Variants in DAB1 observed in about 807,000 individuals in gnomAD.
The protein encoded by DAB1 is DAB adaptor protein 1.
In DAB1, 15 loss-of-function variants were observed where a neutral mutation model predicts 64.6. That is an observed-to-expected ratio of 0.23 (90% CI 0.16 to 0.36). DAB1 has a LOEUF of 0.36. Among genes scored for constraint, DAB1 ranks in the 10% least tolerant of loss-of-function variants. DAB1 has a pLI of 1.00. For synonymous variants in DAB1, 235 were observed against 251.9 expected, an observed-to-expected ratio of 0.93 and a Z score of 0.64; for missense variants, 596 against 706.7, an observed-to-expected ratio of 0.84 and a Z score of 1.78.
rs1459625237 is a variant in DAB1 at position 57,195,666 on chromosome 1, A to T, written c.68-50237T>A. 3.9e-5 allele frequency among the ~76,000 whole-genome samples: 6 copies of T among 152,370 alleles called. No homozygotes were observed. In the East Asian group the frequency reaches 1.2e-3, roughly 29 times the overall value. On this transcript the variant is annotated intron_variant, in intron 2 of 14. Transcript: ENST00000371236. Reference sequence around the variant, plus strand: ...CCAGGTGGGAAGAACACATGCTCTAAGTCAGACCAGCCTTCATTAAAGCAT... The same window carrying T: ...CCAGGTGGGAAGAACACATGCTCTATGTCAGACCAGCCTTCATTAAAGCAT...
chr1:57,292,911 G>C (rs575758681), intron 1 of DAB1, among the ~76,000 whole-genome samples: 1 of 152,084 alleles, frequency 6.6e-6, no homozygotes, highest in Non-Finnish European at 1.5e-5. Context: ...TCTTTGCTTG[G>C]AAGGGTTAAT....
chr1:57,497,190 G>A (rs990496994), intron 7 of DAB1, among the ~76,000 whole-genome samples: 1 of 152,210 alleles, frequency 6.6e-6, no homozygotes, highest in Admixed American at 6.5e-5. Flanking sequence ...GTGCACTACT[G>A]TCTAACATTC....
intron 1 of DAB1, among the ~76,000 whole-genome samples, chr1:57,403,586 G>T (rs1268467323): frequency 6.6e-6 from 1 of 152,130 alleles, no homozygotes; most frequent in South Asian, 2.1e-4. Flanking sequence ...GGCATGGGAG[G>T]CACCCTCTAC....
At chr1:58,251,566 G>A (rs1286488323) in intron 4 of DAB1, among the ~76,000 whole-genome samples, 2 of 152,182 alleles carry the variant, frequency 1.3e-5, no homozygotes, top group Non-Finnish European at 2.9e-5. Flanking sequence ...GGGAACAAGA[G>A]CCAAGGCCCT....
chr1:58,282,613 A>AAAG, intron 4 of DAB1, among the ~76,000 whole-genome samples: 1 of 151,902 alleles, frequency 6.6e-6, no homozygotes, highest in South Asian at 2.1e-4. Flanking sequence ...TCTAAAAAAA[A>AAAG]AAAGGAGTGT....
At chr1:57,047,447 C>T (rs1388168106) in intron 9 of DAB1, among the ~76,000 whole-genome samples, 2 of 152,064 alleles carry the variant, frequency 1.3e-5, no homozygotes, top group East Asian at 1.9e-4. Flanking sequence ...CCTCATGATA[C>T]AATTAGTGGC....
Position 58,526,191 on chromosome 1 carries a change from A to G in DAB1, n.107+1070T>C, listed in dbSNP as rs902794572. On this transcript the variant is annotated intron_variant and non_coding_transcript_variant, in intron 2 of 20. Transcript: ENST00000485760. The stretch of plus-strand genomic sequence containing the variant: ...AAATTAGGAAATTCTTAATACAGCC[A>G]ATCTGTGGCCCCCTTATGTGGGAAC... Among the ~76,000 whole-genome samples the G allele has an allele frequency of 2.6e-5, 4 of 152,094 alleles. No homozygotes were observed. In the South Asian group the frequency reaches 8.3e-4, roughly 31 times the overall value.
chr1:58,103,865 T>C (rs575472400), intron 5 of DAB1, among the ~76,000 whole-genome samples: 2 of 152,166 alleles, frequency 1.3e-5, no homozygotes, highest in African/African-American at 4.8e-5. Context: ...TCAAATTGAG[T>C]CCTAGTAACT....
chr1:57,451,010 G>A (rs1012908512), intron 7 of DAB1, among the ~76,000 whole-genome samples: 12 of 152,166 alleles, frequency 7.9e-5, no homozygotes, highest in African/African-American at 2.7e-4. Flanking sequence ...TCTGGAAAAG[G>A]TTGTTTCTTC....
intron 7 of DAB1, among the ~76,000 whole-genome samples, chr1:57,637,851 A>C (rs940381332): frequency 1.2e-4 from 18 of 152,318 alleles, no homozygotes; most frequent in African/African-American, 4.1e-4. Flanking sequence ...AAAGATAAAA[A>C]CTTGCAAGGA....
intron 7 of DAB1, among the ~76,000 whole-genome samples, chr1:57,443,353 A>G (rs1325991191): frequency 1.3e-5 from 2 of 152,204 alleles, no homozygotes; most frequent in East Asian, 3.8e-4. Flanking sequence ...AGGGCCATCT[A>G]AAAGAGATGT....
At chr1:57,854,736 A>T (rs527936527) in intron 1 of DAB1, among the ~76,000 whole-genome samples, 12 of 152,216 alleles carry the variant, frequency 7.9e-5, no homozygotes, top group African/African-American at 2.9e-4. Flanking sequence ...GAGCTCCATT[A>T]ATGGGTGAGA....
chr1:57,272,096 G>T (rs1671055796), intron 2 of DAB1, among the ~76,000 whole-genome samples: 1 of 152,228 alleles, frequency 6.6e-6, no homozygotes, highest in Admixed American at 6.5e-5. Context: ...GAAGGGAGAT[G>T]TTGGCGTTTG....
At position 58,178,581 on chromosome 1, in the gene DAB1, G is replaced by A. The variant is rs188777263; in HGVS notation, n.310-27993C>T. Among the ~76,000 whole-genome samples the A allele has an allele frequency of 2.6e-3, 394 of 152,214 alleles. 3 individuals are homozygous for A. Among genetic ancestry groups the A allele is most frequent in the African/African-American group, 9.1e-3 (380 of 41,540 alleles). On this transcript the variant is annotated intron_variant and non_coding_transcript_variant, in intron 4 of 20. Transcript: ENST00000485760. ...ATGGGGACTGGTTGATAGTAAGCAC[G>A]GTAAATGGTAGCTATTAGTAGTAGT...
At chr1:57,123,398 C>T (rs1413185707) in intron 4 of DAB1, among the ~76,000 whole-genome samples, 3 of 152,080 alleles carry the variant, frequency 2.0e-5, no homozygotes, top group Non-Finnish European at 4.4e-5. Context: ...TGAGCAGATT[C>T]TGAAATTAGG....
At chr1:58,206,338 T>C (rs1359644259) in intron 4 of DAB1, among the ~76,000 whole-genome samples, 1 of 152,062 alleles carries the variant, frequency 6.6e-6, no homozygotes, top group African/African-American at 2.4e-5. Context: ...GATGAATGAG[T>C]TTTGTCTGTC....
chr1:58,443,602 T>C (rs1219550624), intron 3 of DAB1, among the ~76,000 whole-genome samples: 1 of 152,242 alleles, frequency 6.6e-6, no homozygotes, highest in Non-Finnish European at 1.5e-5. Context: ...ACCATTGTAA[T>C]GTAAGATATT....
At chr1:58,111,326 A>T (rs1175504699) in intron 5 of DAB1, among the ~76,000 whole-genome samples, 3 of 152,242 alleles carry the variant, frequency 2.0e-5, no homozygotes, top group African/African-American at 7.2e-5. Context: ...AACCTTCTCC[A>T]TGAAATGCTA....
chr1:57,864,653 A>AATGT (rs1553137253), intron 1 of DAB1: 2 of 97,894 alleles, frequency 2.0e-5, no homozygotes, highest in Admixed American at 1.0e-4. Context: ...TTTTTAAAAA[A>AATGT]ATTTATTTAT....
Sources: allele counts gnomAD v4.1 joint callset (sites outside exome capture counted in the v4.1 genomes callset), GRCh38; gene constraint gnomAD v4.1.1; transcripts MANE v1.5; gene names NCBI Gene and HGNC (gene_info 2026-07-23, HGNC 2026-07-21).